MTF1: variants seen among roughly 807,000 people sequenced by gnomAD.
MTF1 encodes the protein MRE-binding transcription factor.
A neutral mutation model predicts 70.4 loss-of-function variants in MTF1; 22 were observed. The ratio of observed to expected loss-of-function variants is 0.31; its 90% CI spans 0.22 to 0.45. MTF1 has a LOEUF of 0.45. Ranked by LOEUF, MTF1 falls within the 20% of genes least tolerant of loss-of-function variation. The pLI, the probability that MTF1 is intolerant of heterozygous loss-of-function variation, is 1.00. For missense variants in MTF1, 649 were observed against 922.0 expected, an observed-to-expected ratio of 0.70 and a Z score of 3.83; for synonymous variants, 333 against 352.8, an observed-to-expected ratio of 0.94 and a Z score of 0.63.
chr1:37,835,532 T>A, intron 5 of MTF1, 139 bp downstream of exon 5: 1 of 687,202 alleles, frequency 1.5e-6, no homozygotes, highest in East Asian at 2.7e-5. Flanking sequence ...AACCCAAACA[T>A]TCTAGGTAAG....
At chr1:37,825,611 G>T (rs1256312197) in intron 7 of MTF1, among the ~76,000 whole-genome samples, 1 of 152,114 alleles carries the variant, frequency 6.6e-6, no homozygotes, top group Non-Finnish European at 1.5e-5. Context: ...TGAACAACAT[G>T]CATTTGAACT....
At position 37,817,564 on chromosome 1, in the gene MTF1, T is replaced by C. The variant is rs1375931629; in HGVS notation, c.1768-82A>G. On this transcript the variant is annotated intron_variant, in intron 9 of 10. Transcript: ENST00000373036. ...GGACCTGAAGCCTCACCAACTGTAA[T>C]GGTCATCCAAGAAGACAGAAAACCC... The C allele has an allele frequency of 5.4e-6, 5 of 921,592 alleles. No individual in the cohort carries two copies. In the African/African-American group the frequency reaches 8.2e-5, roughly 15 times the overall value. 57.1% of individuals were successfully genotyped at this position (921,592 alleles called of 1,614,324 possible). A position where few individuals can be genotyped will look rare whatever the true frequency, so the allele number is the denominator to read the frequency against.
At chr1:37,818,148 C>T (rs1640847701) in intron 9 of MTF1, among the ~76,000 whole-genome samples, 1 of 152,170 alleles carries the variant, frequency 6.6e-6, no homozygotes, top group Non-Finnish European at 1.5e-5. Flanking sequence ...CTGTCCCCTC[C>T]AAAACTCATG....
chr1:37,828,762 C>T (rs1327810305), intron 7 of MTF1, among the ~76,000 whole-genome samples: 1 of 152,092 alleles, frequency 6.6e-6, no homozygotes, highest in Non-Finnish European at 1.5e-5. Flanking sequence ...TGCTGAAGCC[C>T]CTGCCAAGCT....
intron 6 of MTF1, among the ~76,000 whole-genome samples, chr1:37,834,303 A>C (rs2148410282): frequency 6.6e-6 from 1 of 151,520 alleles, no homozygotes; most frequent in Middle Eastern, 3.4e-3. Context: ...ATAGCCTACT[A>C]TAAAGACTGA....
intron 2 of MTF1, among the ~76,000 whole-genome samples, chr1:37,843,019 C>A (rs1569875099): frequency 6.6e-6 from 1 of 152,044 alleles, no homozygotes; most frequent in African/African-American, 2.4e-5. Context: ...TTGATAAAGT[C>A]TTTTTGTTTT....
At chr1:37,828,211 G>C (rs749517164) in intron 7 of MTF1, 2 of 396,114 alleles carry the variant, frequency 5.0e-6, no homozygotes, top group African/African-American at 2.2e-5. Flanking sequence ...CTTAGTTGTT[G>C]TAAGTCAGAA....
intron 2 of MTF1, among the ~76,000 whole-genome samples, chr1:37,856,502 T>TC (rs1216521983): frequency 1.4e-5 from 2 of 144,550 alleles, no homozygotes; most frequent in Middle Eastern, 3.6e-3. Context: ...TTTCTTTCTT[T>TC]TTTTTTTTTT....
chr1:37,847,511 C>T (rs1240704587), intron 2 of MTF1, among the ~76,000 whole-genome samples: 1 of 152,210 alleles, frequency 6.6e-6, no homozygotes, highest in African/African-American at 2.4e-5. Context: ...CCATTGCCAG[C>T]ATAATAGAAG....
intron 7 of MTF1, chr1:37,828,269 G>A (rs529055908): frequency 2.7e-6 from 1 of 374,922 alleles, no homozygotes; most frequent in African/African-American, 2.2e-5. Context: ...GGTATGTGAG[G>A]GGGGGGCCTC....
At chr1:37,853,212 CT>C (rs36049438) in intron 2 of MTF1, among the ~76,000 whole-genome samples, 34,448 of 152,170 alleles carry the variant, frequency 0.23, 4,511 homozygotes, top group Non-Finnish European at 0.29. Context: ...CCACTCTAGC[CT>C]TGGCTTAGAC....
intron 2 of MTF1, among the ~76,000 whole-genome samples, chr1:37,847,552 CTG>C (rs1364269544): frequency 6.6e-6 from 1 of 152,206 alleles, no homozygotes; most frequent in Admixed American, 6.5e-5. Flanking sequence ...TTAGCTCTGC[CTG>C]GTGCCCCAAA....
At chr1:37,816,003 C>T (rs996008278) in intron 10 of MTF1, among the ~76,000 whole-genome samples, 7 of 152,202 alleles carry the variant, frequency 4.6e-5, no homozygotes, top group Admixed American at 2.0e-4. Context: ...CTCTGTAGGC[C>T]TATGCAGAGG....
Position 37,850,240 on chromosome 1 carries a change from C to CA in MTF1, c.408+7010dup, listed in dbSNP as rs5773605. ...CTACAGAATGGAACCCTGTCTCAAC[C>CA]AAAAAAAAAAAAAAAAAAAAAAAGC... On this transcript the variant is annotated intron_variant, in intron 2 of 10. Transcript: ENST00000373036. Among the ~76,000 whole-genome samples the CA allele has an allele frequency of 7.0e-3, 465 of 66,172 alleles. 1 individual carries two copies. Among genetic ancestry groups the CA allele is most frequent in the East Asian group, 0.022 (48 of 2,138 alleles). The allele number at this position is 66,172 out of a possible 152,430, so 43.4% of individuals were successfully genotyped here. A position where few individuals can be genotyped will look rare whatever the true frequency, so the allele number is the denominator to read the frequency against.
intron 2 of MTF1, among the ~76,000 whole-genome samples, chr1:37,852,024 G>C (rs967657976): frequency 4.6e-5 from 7 of 152,014 alleles, no homozygotes; most frequent in African/African-American, 7.2e-5. Flanking sequence ...GGCTTCTTCG[G>C]GGCTCCTCAA....
At chr1:37,854,931 T>C (rs1199273773) in intron 2 of MTF1, among the ~76,000 whole-genome samples, 1 of 152,172 alleles carries the variant, frequency 6.6e-6, no homozygotes, top group Non-Finnish European at 1.5e-5. Flanking sequence ...TGGTAGCGCA[T>C]GCCTGTAATC....
chr1:37,837,425 A>T (rs1641186788), intron 4 of MTF1, among the ~76,000 whole-genome samples: 1 of 152,138 alleles, frequency 6.6e-6, no homozygotes, highest in Non-Finnish European at 1.5e-5. Flanking sequence ...TAACAAAACG[A>T]GTGGTTTAAG....
At chr1:37,823,644 T>C (rs1466640778) in intron 8 of MTF1, 66 bp downstream of exon 8, 10 of 1,205,278 alleles carry the variant, frequency 8.3e-6, no homozygotes, top group Non-Finnish European at 9.8e-6. Flanking sequence ...GAATGATTCA[T>C]TGTGCCTGTG....
chr1:37,829,233 T>G (rs527250671), intron 7 of MTF1, among the ~76,000 whole-genome samples: 5 of 152,040 alleles, frequency 3.3e-5, no homozygotes, highest in African/African-American at 1.2e-4. Context: ...GCCTCCCAGA[T>G]AGCTGGGACA....
Sources: allele counts gnomAD v4.1 joint callset (sites outside exome capture counted in the v4.1 genomes callset), GRCh38; gene constraint gnomAD v4.1.1; transcripts MANE v1.5; gene names NCBI Gene and HGNC (gene_info 2026-07-23, HGNC 2026-07-21).